Variants in MGAM2 observed in about 807,000 individuals in gnomAD.
MGAM2 encodes the protein maltase-glucoamylase 2 (putative), also known as probable maltase-glucoamylase 2.
Under a neutral mutation model 96.1 loss-of-function variants are expected in MGAM2, and 98 were observed. The observed-to-expected ratio is 1.02, with a 90% CI of 0.87 to 1.21. The LOEUF (loss-of-function observed/expected upper bound fraction) is 1.21. MGAM2 is among the 50% of genes most tolerant of loss of function. The pLI, the probability that MGAM2 is intolerant of heterozygous loss-of-function variation, is 0.00. For missense variants in MGAM2, 2,055 were observed against 1,182.4 expected (o/e 1.74, Z -10.82); for synonymous variants, 749 against 414.8 (o/e 1.81, Z -9.79).
At chr7:142,219,835 TA>T (rs1433040082) in intron 47 of MGAM2, 34 bp from the exon 48 acceptor site, 3 of 652,138 alleles carry the variant, frequency 4.6e-6, no homozygotes, top group Non-Finnish European at 8.3e-6. Flanking sequence ...TAAGAAGTTC[TA>T]AAATACCCAT....
chr7:142,149,178 G>A (rs1214844247), intron 15 of MGAM2, among the ~76,000 whole-genome samples: 4 of 151,340 alleles, frequency 2.6e-5, no homozygotes, highest in Admixed American at 2.0e-4. Context: ...GCAGTGAGCC[G>A]AGATCACGCT....
intron 32 of MGAM2, among the ~76,000 whole-genome samples, chr7:142,179,967 T>G (rs28796628): frequency 0.13 from 19,126 of 152,104 alleles, 1,714 homozygotes; most frequent in African/African-American, 0.25. Context: ...AGGATTTTAT[T>G]ATGAATCCAT....
chr7:142,120,738 C>T (rs1288600711), intron 3 of MGAM2, among the ~76,000 whole-genome samples: 2 of 152,104 alleles, frequency 1.3e-5, no homozygotes, highest in Non-Finnish European at 2.9e-5. Flanking sequence ...GGCCATTAAG[C>T]ACATGCAAAT....
intron 17 of MGAM2, among the ~76,000 whole-genome samples, chr7:142,157,609 C>G (rs1795773497): frequency 6.6e-6 from 1 of 152,138 alleles, no homozygotes; most frequent in Non-Finnish European, 1.5e-5. Context: ...CCAGGATGGT[C>G]TCCATCTCCT....
Position 142,139,369 on chromosome 7 carries a change from T to G in MGAM2, c.1086+702T>G, listed in dbSNP as rs926030967. On this transcript the variant is annotated intron_variant, in intron 10 of 47. Coordinates refer to ENST00000477922, the MANE Select transcript of MGAM2 (RefSeq NM_001293626.2). ...GGATTTTGAAACTTTGATGTAAGAA[T>G]ATAGTGTTGGCCCAGTGCGGTGGCT... Among the ~76,000 whole-genome samples, 10 of 152,078 alleles carry G rather than the reference T, an allele frequency of 6.6e-5. 1 individual carries two copies. In the South Asian group the frequency reaches 2.1e-3, roughly 32 times the overall value.
At chr7:142,133,392 A>C (rs1258803794) in intron 6 of MGAM2, among the ~76,000 whole-genome samples, 1 of 150,916 alleles carries the variant, frequency 6.6e-6, no homozygotes, top group Admixed American at 6.6e-5. Context: ...TATTGTTTTA[A>C]ATTATTATTC....
intron 3 of MGAM2, among the ~76,000 whole-genome samples, chr7:142,122,038 T>C (rs986401772): frequency 2.0e-5 from 3 of 152,100 alleles, no homozygotes; most frequent in African/African-American, 7.2e-5. Flanking sequence ...CTTTATATTC[T>C]TATTTTAACT....
At chr7:142,114,153 G>GGAAAGAAAGAAAGAAAGAAAGAAA (rs772126693) in intron 1 of MGAM2, among the ~76,000 whole-genome samples, 51 of 87,036 alleles carry the variant, frequency 5.9e-4, no homozygotes, top group African/African-American at 1.0e-3. Flanking sequence ...AAAGAAAGAA[G>GGAAAGAAAGAAAGAAAGAAAGAAA]GAAAGAAAGA....
chr7:142,183,716 T>TATCA (rs1391877699), intron 33 of MGAM2, among the ~76,000 whole-genome samples: 2 of 152,228 alleles, frequency 1.3e-5, no homozygotes, highest in Admixed American at 1.3e-4. Context: ...ACCTTTGACC[T>TATCA]ATCATGCTTA....
intron 10 of MGAM2, among the ~76,000 whole-genome samples, chr7:142,139,646 T>G (rs1449323125): frequency 7.9e-6 from 1 of 127,244 alleles, no homozygotes; most frequent in African/African-American, 3.1e-5. Context: ...GGTGACAGAG[T>G]GAGGCTCTAT....
rs1020233790 is a variant in MGAM2 at position 142,221,867 on chromosome 7, T to C, written c.7356T>C (p.Asp2452=). The change falls in exon 48 of 48, where the codon GAT becomes GAC. Residue 2452 remains aspartate, a synonymous_variant. Coordinates refer to ENST00000477922, the MANE Select transcript of MGAM2 (RefSeq NM_001293626.2). The stretch of plus-strand genomic sequence containing the variant: ...TCACAATAACAGCCACTGGTCTAGA[T>C]TCACAAACTCCCCATATGGTAATAA... The part of the protein sequence containing the change: ...ASVTITATGL[D]SQTPHMVINS... The C allele has an allele frequency of 5.0e-6, 2 of 400,656 alleles. No individual in the cohort carries two copies. The highest frequency in any genetic ancestry group is 8.8e-6 in the Non-Finnish European group (2 of 227,370). 24.8% of individuals were successfully genotyped at this position (400,656 alleles called of 1,614,324 possible).
intron 15 of MGAM2, among the ~76,000 whole-genome samples, chr7:142,152,299 T>C (rs918443137): frequency 1.4e-4 from 21 of 152,198 alleles, no homozygotes; most frequent in African/African-American, 5.1e-4. Context: ...CTGAATGTGT[T>C]TCTTTCATGA....
In MGAM2 at chr7:142,140,922, C is replaced by G. The variant is rs1173711750; in HGVS notation, c.1207C>G (p.Leu403Val). Residue 403 changes from leucine to valine, a missense_variant, in exon 11 of 48, where the codon CTT (leucine) becomes GTT (valine). By Grantham distance (32) the Leu-to-Val change is conservative. Transcript: ENST00000477922. The stretch of plus-strand genomic sequence containing the variant: ...GTTACATGACAATGGACAGAAATAT[C>G]TTATTATTATGGTATGTTCAAACAC... ...KELHDNGQKY[L>V]IIMNPGISKN... 1.4e-6 allele frequency: 1 copy of G among 702,592 alleles called. No homozygotes were observed. The highest frequency in any genetic ancestry group is 2.0e-5 in the Admixed American group (1 of 49,956). The allele number at this position is 702,592 out of a possible 1,614,324, so 43.5% of individuals were successfully genotyped here.
intron 36 of MGAM2, among the ~76,000 whole-genome samples, chr7:142,188,563 G>T (rs1419744965): frequency 6.6e-5 from 10 of 152,164 alleles, no homozygotes; most frequent in Admixed American, 6.5e-4. Flanking sequence ...CTGTTATGCT[G>T]CCCATTTCTC....
chr7:142,146,869 A>T (rs1268185781), intron 14 of MGAM2, among the ~76,000 whole-genome samples: 1 of 151,872 alleles, frequency 6.6e-6, no homozygotes, highest in African/African-American at 2.4e-5. Context: ...CTGGGACTGT[A>T]GGCGCACACC....
Position 142,186,074 on chromosome 7 carries a change from C to T in MGAM2, c.4073C>T (p.Ala1358Val), listed in dbSNP as rs1205397554. Reference protein sequence around the residue: ...WWKKEIEELYANPREPEKSLK... With the variant: ...WWKKEIEELYVNPREPEKSLK... ...AAGAAAGAGATAGAAGAGCTCTATGCAAACCCTCGAGAGCCAGAGAAGAGC... is the reference window on the plus strand; with the variant it reads ...AAGAAAGAGATAGAAGAGCTCTATGTAAACCCTCGAGAGCCAGAGAAGAGC... Residue 1358 changes from alanine to valine, a missense_variant, in exon 35 of 48, where the codon GCA becomes GTA. Coordinates refer to ENST00000477922, the MANE Select transcript of MGAM2 (RefSeq NM_001293626.2). 2.8e-6 allele frequency: 2 copies of T among 705,702 alleles called. No individual in the cohort carries two copies. The highest frequency in any genetic ancestry group is 2.0e-5 in the Admixed American group (1 of 49,978). 43.7% of individuals were successfully genotyped at this position (705,702 alleles called of 1,614,324 possible).
At chr7:142,135,723 T>TACACACACACACACAC (rs144830276) in intron 7 of MGAM2, among the ~76,000 whole-genome samples, 4,464 of 145,096 alleles carry the variant, frequency 0.031, 104 homozygotes, top group African/African-American at 0.056. Flanking sequence ...CACTTAGAGT[T>TACACACACACACACAC]ACACACACAC....
chr7:142,166,375 T>C, intron 25 of MGAM2, 122 bp downstream of exon 25: 1 of 551,370 alleles, frequency 1.8e-6, no homozygotes, highest in Non-Finnish European at 3.2e-6. Flanking sequence ...TTTTGCCAAC[T>C]CTACATGATA....
chr7:142,221,476 A>G lies in MGAM2; in HGVS notation c.6965A>G (p.Asn2322Ser). 1 of 576,342 alleles carries G rather than the reference A, an allele frequency of 1.7e-6. No individual in the cohort carries two copies. Among genetic ancestry groups the G allele is most frequent in the Non-Finnish European group, 3.1e-6 (1 of 325,708 alleles). 35.7% of individuals were successfully genotyped at this position (576,342 alleles called of 1,614,324 possible). ...ATTTTGAGCATGTTTCCAACAAGTAATACATTCACTACTGATAAAATTACT... is the reference window on the plus strand; with the variant it reads ...ATTTTGAGCATGTTTCCAACAAGTAGTACATTCACTACTGATAAAATTACT... ...TSILSMFPTSNTFTTDKITNF... is the reference protein window; with the variant it reads ...TSILSMFPTSSTFTTDKITNF... Residue 2322 changes from asparagine to serine, a missense_variant, in exon 48 of 48, where the codon AAT becomes AGT. By Grantham distance (46) the Asn-to-Ser change is conservative (BLOSUM62 1). Coordinates refer to ENST00000477922, the MANE Select transcript of MGAM2 (RefSeq NM_001293626.2).
Sources: gnomAD v4.1 joint callset for allele counts (sites outside exome capture counted in the v4.1 genomes callset) on GRCh38, gnomAD v4.1.1 for gene constraint, MANE v1.5 for transcripts, NCBI Gene and HGNC (gene_info 2026-07-23, HGNC 2026-07-21) for gene names.